The following GUCA1C variants were observed in gnomAD, a reference collection of about 807,000 sequenced individuals.
The protein encoded by GUCA1C is guanylate cyclase activator 1C.
Under a neutral mutation model 16.2 loss-of-function variants are expected in GUCA1C, and 15 were observed. The ratio of observed to expected loss-of-function variants is 0.93; its 90% CI spans 0.62 to 1.43. The LOEUF (loss-of-function observed/expected upper bound fraction) is 1.43. GUCA1C is among the 40% of genes most tolerant of loss of function. The probability of loss-of-function intolerance (pLI) is 0.00; values close to 1 mark genes in which losing one functional copy is unlikely to be tolerated. For synonymous variants in GUCA1C, 78 were observed against 85.4 expected, an observed-to-expected ratio of 0.91 and a Z score of 0.48; for missense variants, 275 against 244.8, an observed-to-expected ratio of 1.12 and a Z score of -0.82.
In GUCA1C at chr3:108,933,226, A is replaced by T. The variant is rs1327534795; in HGVS notation, c.205-12641T>A. On this transcript the variant is annotated intron_variant, in intron 1 of 3. Coordinates refer to ENST00000261047, the MANE Select transcript of GUCA1C (RefSeq NM_005459.4). ...TGGCAATGGCAGAATCCCCCTTTGA[A>T]ACTGAGGAAGGAGAAGAAATTAAGA... Among the ~76,000 whole-genome samples, 3 of 152,184 alleles carry T rather than the reference A, an allele frequency of 2.0e-5. No homozygotes were observed. The East Asian group carries it at 5.8e-4, about 29-fold the overall frequency.
At chr3:108,916,095 A>T (rs909652249) in intron 3 of GUCA1C, 32 bp downstream of exon 3, 16 of 1,609,622 alleles carry the variant, frequency 9.9e-6, no homozygotes, top group Non-Finnish European at 1.4e-5. Context: ...ACTTTGTAGG[A>T]AAAGTGATCC....
intron 1 of GUCA1C, among the ~76,000 whole-genome samples, chr3:108,934,136 A>G (rs1310419208): frequency 6.6e-6 from 1 of 150,772 alleles, no homozygotes; most frequent in African/African-American, 2.4e-5. Context: ...ATGAGAACAC[A>G]TGGACACAGG....
At position 108,931,919 on chromosome 3, in the gene GUCA1C, A is replaced by AG. The variant is rs374694829; in HGVS notation, c.205-11335dup. On this transcript the variant is annotated intron_variant, in intron 1 of 3. Coordinates refer to ENST00000261047, the MANE Select transcript of GUCA1C (RefSeq NM_005459.4). The stretch of plus-strand genomic sequence containing the variant: ...AGTCTCGCTCTGTCACCCAGGCTGG[A>AG]GTGCAGTAGTGCAATCTGGCCTCCC... Among the ~76,000 whole-genome samples the AG allele has an allele frequency of 4.7e-3, 593 of 127,118 alleles. 2 individuals are homozygous for AG. Among genetic ancestry groups the AG allele is most frequent in the Middle Eastern group, 0.018 (3 of 168 alleles). 83.4% of individuals were successfully genotyped at this position (127,118 alleles called of 152,430 possible).
At chr3:108,912,395 T>A (rs1413333197) in intron 3 of GUCA1C, among the ~76,000 whole-genome samples, 1 of 152,034 alleles carries the variant, frequency 6.6e-6, no homozygotes. Flanking sequence ...CTTGTCTTGT[T>A]GTCTTCTCTG....
intron 2 of GUCA1C, among the ~76,000 whole-genome samples, chr3:108,917,367 T>C (rs576928092): frequency 4.6e-5 from 7 of 152,324 alleles, no homozygotes; most frequent in South Asian, 4.1e-4. Flanking sequence ...GAAATACTGA[T>C]TGGAAAGTGG....
At chr3:108,944,469 G>T (rs1181578228) in intron 1 of GUCA1C, among the ~76,000 whole-genome samples, 1 of 152,198 alleles carries the variant, frequency 6.6e-6, no homozygotes, top group African/African-American at 2.4e-5. Context: ...AATGAAGGTT[G>T]CCAGGTGGAG....
chr3:108,934,694 G>GA (rs1946704696), intron 1 of GUCA1C, among the ~76,000 whole-genome samples: 1 of 150,850 alleles, frequency 6.6e-6, no homozygotes, highest in South Asian at 2.1e-4. Context: ...CCGAAAAACA[G>GA]AACAAAATCA....
At chr3:108,935,211 G>A (rs1199653123) in intron 1 of GUCA1C, among the ~76,000 whole-genome samples, 7 of 152,014 alleles carry the variant, frequency 4.6e-5, no homozygotes, top group Non-Finnish European at 8.8e-5. Flanking sequence ...AGGAGAGGAA[G>A]GGAGCAGGTG....
At chr3:108,943,212 A>G (rs1946805492) in intron 1 of GUCA1C, among the ~76,000 whole-genome samples, 1 of 152,102 alleles carries the variant, frequency 6.6e-6, no homozygotes, top group Admixed American at 6.5e-5. Flanking sequence ...GAAGGAAGAG[A>G]GAGTTGCCAG....
chr3:108,912,122 A>AATC (rs71629366), intron 3 of GUCA1C, among the ~76,000 whole-genome samples: 1 of 147,720 alleles, frequency 6.8e-6, no homozygotes, highest in Non-Finnish European at 1.5e-5. Flanking sequence ...TAATAATAAT[A>AATC]ATCACCCTTT....
intron 1 of GUCA1C, among the ~76,000 whole-genome samples, chr3:108,927,889 T>G (rs1312144474): frequency 6.6e-6 from 1 of 152,210 alleles, no homozygotes; most frequent in East Asian, 1.9e-4. Context: ...GTTCAGATTC[T>G]TTTGTCCCAT....
At chr3:108,951,254 G>A (rs2593926) in intron 1 of GUCA1C, among the ~76,000 whole-genome samples, 53,188 of 151,766 alleles carry the variant, frequency 0.35, 9,795 homozygotes, top group Middle Eastern at 0.49. Context: ...ATACTTATAC[G>A]CAACTCATGC....
At chr3:108,920,131 G>T (rs1382728292) in intron 2 of GUCA1C, among the ~76,000 whole-genome samples, 1 of 152,084 alleles carries the variant, frequency 6.6e-6, no homozygotes, top group African/African-American at 2.4e-5. Context: ...TCCTCACAAG[G>T]CATTCTGCAC....
chr3:108,933,565 C>T (rs536825094), intron 1 of GUCA1C, among the ~76,000 whole-genome samples: 19 of 152,162 alleles, frequency 1.2e-4, no homozygotes, highest in Non-Finnish European at 2.5e-4. Context: ...TCTTCTGGTT[C>T]CTAAAACCTA....
chr3:108,920,963 A>G (rs180826158), intron 1 of GUCA1C, among the ~76,000 whole-genome samples: 132 of 152,256 alleles, frequency 8.7e-4, no homozygotes, highest in Non-Finnish European at 1.7e-3. Context: ...CAAAGTCCAT[A>G]GTTTACATTA....
intron 1 of GUCA1C, among the ~76,000 whole-genome samples, chr3:108,936,016 C>A (rs1260489397): frequency 6.6e-6 from 1 of 152,018 alleles, no homozygotes; most frequent in East Asian, 1.9e-4. Flanking sequence ...TGTAATCCCA[C>A]CACTTTGGGC....
At chr3:108,953,271 A>G (rs1438708512) in intron 1 of GUCA1C, among the ~76,000 whole-genome samples, 2 of 152,206 alleles carry the variant, frequency 1.3e-5, no homozygotes, top group African/African-American at 2.4e-5. Flanking sequence ...ATTTATTTAA[A>G]TGATAGCATT....
At chr3:108,920,735 T>TA (rs1034871065) in intron 1 of GUCA1C, 150 bp from the exon 2 acceptor site, 19 of 562,170 alleles carry the variant, frequency 3.4e-5, no homozygotes, top group East Asian at 6.1e-5. Context: ...GTGTTTCATT[T>TA]AAAAAAAAGT....
At chr3:108,954,238 C>T (rs1175693071), upstream of GUCA1C, among the ~76,000 whole-genome samples, 1 of 152,016 alleles carries the variant, frequency 6.6e-6, no homozygotes, top group African/African-American at 2.4e-5. Context: ...AAGTTTCTGC[C>T]TTTTCATACC....
Sources: allele counts gnomAD v4.1 joint callset (sites outside exome capture counted in the v4.1 genomes callset), GRCh38; gene constraint gnomAD v4.1.1; transcripts MANE v1.5; gene names NCBI Gene and HGNC (gene_info 2026-07-23, HGNC 2026-07-21).